Variants in PCDHGB2 observed in about 807,000 individuals in gnomAD.
PCDHGB2 encodes protocadherin gamma-B2.
PCDHGB2 carries 55 observed loss-of-function variants against 59.3 expected under a neutral mutation model. The observed-to-expected ratio is 0.93, with a 90% CI of 0.75 to 1.16. The LOEUF is 1.16. PCDHGB2 is among the 50% of genes most tolerant of loss of function. The pLI, the probability that PCDHGB2 is intolerant of heterozygous loss-of-function variation, is 0.00. For synonymous variants in PCDHGB2, 516 were observed against 512.0 expected (o/e 1.01, Z -0.11); for missense variants, 1,228 against 1,198.5 (o/e 1.02, Z -0.36).
At chr5:141,365,765 C>T (rs1446100014) in intron 1 of PCDHGB2, 3 of 1,613,848 alleles carry the variant, frequency 1.9e-6, no homozygotes, top group African/African-American at 1.3e-5. Context: ...AGCCCATGAC[C>T]CCGACAGCGG....
Position 141,432,667 on chromosome 5 carries a change from C to T in PCDHGB2, c.2422-62140C>T, listed in dbSNP as rs1312138743. ...CGGCGCGAGCCCTGCTGGACAGAGACGCGCTCAAGCAGAGCCTCGTAGTGG... is the reference window on the plus strand; with the variant it reads ...CGGCGCGAGCCCTGCTGGACAGAGATGCGCTCAAGCAGAGCCTCGTAGTGG... On this transcript the variant is annotated intron_variant, in intron 1 of 3. Transcript: ENST00000522605. This position sits in a 1 kb window ranked among gnomAD's most constrained non-coding sequence, Gnocchi z 6.0. The T allele has an allele frequency of 1.2e-6, 2 of 1,613,876 alleles. No individual in the cohort carries two copies. The highest frequency in any genetic ancestry group is 1.1e-5 in the South Asian group (1 of 91,066).
At chr5:141,426,033 C>G (rs978171140) in intron 1 of PCDHGB2, among the ~76,000 whole-genome samples, 14 of 152,162 alleles carry the variant, frequency 9.2e-5, no homozygotes, top group African/African-American at 3.1e-4. Context: ...AGACTCAGAG[C>G]CCTGCTGTTG....
In PCDHGB2 at chr5:141,485,770, T is replaced by A. The variant is rs1199757869; in HGVS notation, c.2422-9037T>A. The A allele has an allele frequency of 6.2e-7, 1 of 1,614,180 alleles. No homozygotes were observed. The highest frequency in any genetic ancestry group is 1.1e-5 in the South Asian group (1 of 91,080). On this transcript the variant is annotated intron_variant, in intron 1 of 3. Transcript: ENST00000522605. This position sits in a 1 kb window ranked among gnomAD's most constrained non-coding sequence, Gnocchi z 5.7. ...TCCCAGAGCTGCTCCTGGAGAAGCC[T>A]TTGGATCGAGAGAAGCAATCGGACT... is the stretch of plus-strand genomic sequence containing the variant.
At chr5:141,368,813 A>G (rs529134948) in intron 1 of PCDHGB2, among the ~76,000 whole-genome samples, 1 of 152,204 alleles carries the variant, frequency 6.6e-6, no homozygotes, top group African/African-American at 2.4e-5. Flanking sequence ...TGAAGTGTTC[A>G]TACAATGAAC....
chr5:141,393,792 C>T, intron 1 of PCDHGB2: 1 of 1,613,908 alleles, frequency 6.2e-7, no homozygotes, highest in Non-Finnish European at 8.5e-7. Context: ...TGTGGGGGCA[C>T]TTCTGGGGAG....
At chr5:141,452,751 A>C (rs1592230802) in intron 1 of PCDHGB2, among the ~76,000 whole-genome samples, 1 of 152,094 alleles carries the variant, frequency 6.6e-6, no homozygotes, top group South Asian at 2.1e-4. Context: ...AGAAGGAAGA[A>C]GGAAGGGAGG....
chr5:141,361,356 C>T lies in PCDHGB2; in HGVS notation c.1221C>T (p.Asp407=), dbSNP rs546446580. The T allele has an allele frequency of 7.4e-6, 12 of 1,613,984 alleles. 1 individual carries two copies. In the Middle Eastern group the frequency reaches 5.0e-4, roughly 67 times the overall value. The change falls in exon 1 of 4, where the codon GAC becomes GAT. Residue 407 remains aspartate, a synonymous_variant. Coordinates refer to ENST00000522605, the MANE Select transcript of PCDHGB2 (RefSeq NM_018923.3). The part of the protein sequence containing the change: ...SSKNYYKLVT[D]GALDREEIPE... ...AGAACTATTACAAACTAGTGACAGA[C>T]GGCGCTCTGGACCGGGAGGAGATCC...
At chr5:141,395,560 G>T (rs868147032) in intron 1 of PCDHGB2, 1 of 206,840 alleles carries the variant, frequency 4.8e-6, no homozygotes, top group South Asian at 1.4e-4. Context: ...GTGTGTGTGT[G>T]TGTGTGTGTG....
chr5:141,372,918 G>C (rs1350578389), intron 1 of PCDHGB2: 1 of 1,022,894 alleles, frequency 9.8e-7, no homozygotes, highest in African/African-American at 1.6e-5. Context: ...TTATTTTATT[G>C]ATTTTCTGGT....
intron 1 of PCDHGB2, chr5:141,374,557 T>C (rs1561563298): frequency 1.9e-6 from 3 of 1,613,702 alleles, no homozygotes. Flanking sequence ...TGGAGGTCTA[T>C]GACCCTGATG....
intron 1 of PCDHGB2, chr5:141,409,624 G>A (rs747166507): frequency 2.5e-6 from 4 of 1,613,846 alleles, no homozygotes; most frequent in Non-Finnish European, 3.4e-6. Flanking sequence ...TTGCGCAAGT[G>A]AGCGCCTCTG....
Position 141,421,724 on chromosome 5 carries a change from A to G in PCDHGB2, c.2421+59168A>G, listed in dbSNP as rs541532003. On this transcript the variant is annotated intron_variant, in intron 1 of 3. Transcript: ENST00000522605. ...GCTAGGGATCCAGATGTGGGCGTGA[A>G]CTCCCTCCAGAGCTACCAGCTCAGC... 250 of 1,613,766 alleles carry G rather than the reference A, an allele frequency of 1.5e-4. 5 individuals are homozygous for G. The South Asian group carries it at 2.6e-3, about 17-fold the overall frequency.
rs1482297743 is a variant in PCDHGB2 at position 141,403,937 on chromosome 5, G to A, written c.2421+41381G>A. 8 of 1,613,778 alleles carry A rather than the reference G, an allele frequency of 5.0e-6. No individual in the cohort carries two copies. The highest frequency in any genetic ancestry group is 6.8e-6 in the Non-Finnish European group (8 of 1,179,896). On this transcript the variant is annotated intron_variant, in intron 1 of 3. Transcript: ENST00000522605. ...AGCTGAAGATGGTGGGGGATTGAAA[G>A]GGTGGACAAAAGTGCTCATTTCGGT...
At chr5:141,427,484 T>C (rs766997973) in intron 1 of PCDHGB2, 7 of 539,726 alleles carry the variant, frequency 1.3e-5, no homozygotes, top group Non-Finnish European at 2.5e-5. Context: ...ATAATGACTA[T>C]AAGCTTGTAA....
intron 1 of PCDHGB2, chr5:141,384,047 C>T (rs775378618): frequency 4.3e-6 from 7 of 1,612,190 alleles, no homozygotes; most frequent in African/African-American, 1.3e-5. Flanking sequence ...GGTGAGGTGA[C>T]CTGCACCATT....
chr5:141,448,232 T>A (rs917554207), intron 1 of PCDHGB2, among the ~76,000 whole-genome samples: 1 of 152,094 alleles, frequency 6.6e-6, no homozygotes, highest in Admixed American at 6.6e-5. Context: ...ATGTGTGGGG[T>A]TTTCTTTGCA....
intron 2 of PCDHGB2, among the ~76,000 whole-genome samples, chr5:141,504,782 G>A (rs2099841011): frequency 6.6e-6 from 1 of 151,926 alleles, no homozygotes; most frequent in Non-Finnish European, 1.5e-5. Context: ...AGGGTCTCTT[G>A]GGGCCTCCTA....
intron 1 of PCDHGB2, chr5:141,388,696 AGG>A (rs1404425662): frequency 1.2e-6 from 2 of 1,613,882 alleles, no homozygotes; most frequent in Non-Finnish European, 1.7e-6. Flanking sequence ...GACCAGGATG[AGG>A]GTGTCAATGC....
chr5:141,480,217 G>A (rs1443825272), intron 1 of PCDHGB2, among the ~76,000 whole-genome samples: 2 of 147,950 alleles, frequency 1.4e-5, no homozygotes, highest in Non-Finnish European at 3.0e-5. Context: ...CAGCCTGAGC[G>A]ACATAGTGAG....
Sources: allele counts gnomAD v4.1 joint callset (sites outside exome capture counted in the v4.1 genomes callset), GRCh38; gene constraint gnomAD v4.1.1; non-coding constraint Gnocchi (gnomAD v3.1); transcripts MANE v1.5; gene names NCBI Gene and HGNC (gene_info 2026-07-23, HGNC 2026-07-21).